The following ERC1 variants were observed in gnomAD, a reference collection of about 807,000 sequenced individuals.
The protein encoded by ERC1 is ELKS/RAB6-interacting/CAST family member 1.
A neutral mutation model predicts 132.0 loss-of-function variants in ERC1; 56 were observed. The observed-to-expected ratio is 0.42, with a 90% CI of 0.34 to 0.53. The LOEUF is 0.53. ERC1 is among the 20% of genes least tolerant of loss of function. The pLI, the probability that ERC1 is intolerant of heterozygous loss-of-function variation, is 0.03. For synonymous variants in ERC1, 478 were observed against 476.1 expected, an observed-to-expected ratio of 1.00 and a Z score of -0.05; for missense variants, 1,202 against 1,349.9, an observed-to-expected ratio of 0.89 and a Z score of 1.72.
chr12:1,004,603 C>T (rs1963156079), intron 1 of ERC1, among the ~76,000 whole-genome samples: 1 of 151,786 alleles, frequency 6.6e-6, no homozygotes, highest in African/African-American at 2.4e-5. Flanking sequence ...GATGGGGTTT[C>T]ACCGTGTTGG....
In ERC1 at chr12:1,368,751, T is replaced by C. The variant is rs180696700; in HGVS notation, c.2781-3082T>C. On this transcript the variant is annotated intron_variant, in intron 15 of 18. Transcript: ENST00000360905. ...ACCAGAATTGTAACCAAGAGAACAATACTGTCTTTGTCCCTTTTGGAAAAT... is the reference window on the plus strand; with the variant it reads ...ACCAGAATTGTAACCAAGAGAACAACACTGTCTTTGTCCCTTTTGGAAAAT... Among the ~76,000 whole-genome samples, 47 of 151,870 alleles carry C rather than the reference T, an allele frequency of 3.1e-4. 1 individual carries two copies. The highest frequency in any genetic ancestry group is 1.1e-3 in the African/African-American group (47 of 41,134).
intron 18 of ERC1, among the ~76,000 whole-genome samples, chr12:1,482,018 C>G (rs2094102704): frequency 6.6e-6 from 1 of 152,134 alleles, no homozygotes; most frequent in Non-Finnish European, 1.5e-5. Flanking sequence ...CAGTTTGTCT[C>G]AATTTTTCTG....
chr12:1,322,839 A>T (rs1347445318), intron 15 of ERC1, among the ~76,000 whole-genome samples: 6 of 152,154 alleles, frequency 3.9e-5, no homozygotes, highest in Non-Finnish European at 8.8e-5. Context: ...CAGCCAAAAT[A>T]TCCTTGATTT....
At chr12:1,111,414 A>G (rs7954124) in intron 5 of ERC1, among the ~76,000 whole-genome samples, 39,070 of 152,018 alleles carry the variant, frequency 0.26, 5,277 homozygotes, top group African/African-American at 0.33. Context: ...GTTCTTAGAA[A>G]TGAAACCCGC....
intron 4 of ERC1, among the ~76,000 whole-genome samples, chr12:1,106,089 C>A (rs1408557907): frequency 6.6e-6 from 1 of 152,200 alleles, no homozygotes; most frequent in East Asian, 1.9e-4. Flanking sequence ...GATTCAAAAT[C>A]TCGCTTCACT....
chr12:1,037,369 T>C (rs750511861), intron 2 of ERC1, among the ~76,000 whole-genome samples: 1 of 152,216 alleles, frequency 6.6e-6, no homozygotes, highest in Non-Finnish European at 1.5e-5. Flanking sequence ...TCCTCTTTAT[T>C]GTGCAAAAGA....
intron 8 of ERC1, among the ~76,000 whole-genome samples, chr12:1,172,849 G>GTAAA (rs770613609): frequency 1.3e-5 from 2 of 152,204 alleles, no homozygotes; most frequent in Non-Finnish European, 2.9e-5. Context: ...CCGTCTGTCT[G>GTAAA]TAAATAAACT....
At chr12:1,196,977 T>TA (rs1491567979) in intron 12 of ERC1, among the ~76,000 whole-genome samples, 1,561 of 28,638 alleles carry the variant, frequency 0.055, 110 homozygotes, top group South Asian at 0.11. Context: ...TATATATATA[T>TA]TTTTTTTTTT....
At chr12:1,248,011 A>G (rs1199189425) in intron 13 of ERC1, among the ~76,000 whole-genome samples, 1 of 152,168 alleles carries the variant, frequency 6.6e-6, no homozygotes, top group Non-Finnish European at 1.5e-5. Context: ...AAATAAAAAT[A>G]AAAAGGATGT....
intron 12 of ERC1, among the ~76,000 whole-genome samples, chr12:1,207,194 G>T (rs2154288411): frequency 6.6e-6 from 1 of 152,066 alleles, no homozygotes; most frequent in East Asian, 1.9e-4. Flanking sequence ...TTACATTATT[G>T]TCTGATTTCA....
chr12:1,483,668 CTTTTTTTTT>C (rs35596394), intron 18 of ERC1, among the ~76,000 whole-genome samples: 3 of 55,190 alleles, frequency 5.4e-5, no homozygotes, highest in African/African-American at 1.7e-4. Flanking sequence ...CCACTGAGAG[CTTTTTTTTT>C]TTTTTTTTTT....
chr12:1,354,191 G>A (rs555713245), intron 15 of ERC1, among the ~76,000 whole-genome samples: 27 of 151,796 alleles, frequency 1.8e-4, no homozygotes, highest in Non-Finnish European at 1.3e-4. Flanking sequence ...TGCCTACCAG[G>A]TATCTCCCCA....
At chr12:1,459,851 A>G (rs984536311) in intron 18 of ERC1, among the ~76,000 whole-genome samples, 1 of 152,228 alleles carries the variant, frequency 6.6e-6, no homozygotes, top group African/African-American at 2.4e-5. Context: ...AGGCACAGAG[A>G]AGAACACAGG....
At chr12:1,337,279 T>C (rs1226208408) in intron 15 of ERC1, among the ~76,000 whole-genome samples, 1 of 152,188 alleles carries the variant, frequency 6.6e-6, no homozygotes, top group Non-Finnish European at 1.5e-5. Flanking sequence ...CTTGTTGCAT[T>C]GAACCCCTTA....
chr12:1,184,213 G>C (rs1221314795), intron 11 of ERC1, among the ~76,000 whole-genome samples: 1 of 151,126 alleles, frequency 6.6e-6, no homozygotes, highest in Non-Finnish European at 1.5e-5. Flanking sequence ...TAAGGTCTGA[G>C]ACTCAGAATA....
intron 12 of ERC1, among the ~76,000 whole-genome samples, chr12:1,194,119 T>TG (rs1190837454): frequency 6.6e-6 from 1 of 152,192 alleles, no homozygotes; most frequent in East Asian, 1.9e-4. Flanking sequence ...TTTGCTATCA[T>TG]GTTTAAAATA....
At chr12:1,303,934 C>G (rs1419452201) in intron 15 of ERC1, among the ~76,000 whole-genome samples, 1 of 129,402 alleles carries the variant, frequency 7.7e-6, no homozygotes, top group Admixed American at 7.8e-5. Flanking sequence ...GCCTGGGCAA[C>G]AAGAGCAAAA....
chr12:1,464,278 A>G (rs1316578969), intron 18 of ERC1, among the ~76,000 whole-genome samples: 1 of 152,176 alleles, frequency 6.6e-6, no homozygotes, highest in African/African-American at 2.4e-5. Context: ...ATTATGATAC[A>G]AAAGATTGTT....
intron 8 of ERC1, among the ~76,000 whole-genome samples, chr12:1,170,595 T>G (rs1001859721): frequency 1.3e-5 from 2 of 152,132 alleles, no homozygotes; most frequent in African/African-American, 4.8e-5. Flanking sequence ...CACAGGGAGG[T>G]CTGTCAATTT....
Sources: gnomAD v4.1 joint callset for allele counts (sites outside exome capture counted in the v4.1 genomes callset) on GRCh38, gnomAD v4.1.1 for gene constraint, MANE v1.5 for transcripts, NCBI Gene and HGNC (gene_info 2026-07-23, HGNC 2026-07-21) for gene names.